Variants in TBCK observed in about 807,000 individuals in gnomAD.
TBCK encodes TBC domain-containing protein kinase-like protein.
TBCK carries 99 observed loss-of-function variants against 113.4 expected under a neutral mutation model. The ratio of observed to expected loss-of-function variants is 0.87; its 90% CI spans 0.74 to 1.03. TBCK has a LOEUF of 1.03. TBCK is among the 50% of genes least tolerant of loss of function. TBCK has a pLI of 0.00. For missense variants in TBCK, 1,045 were observed against 1,061.3 expected, an observed-to-expected ratio of 0.98 and a Z score of 0.21; for synonymous variants, 369 against 370.8, an observed-to-expected ratio of 1.00 and a Z score of 0.05.
intron 3 of TBCK, among the ~76,000 whole-genome samples, chr4:106,275,912 C>G (rs1763979671): frequency 6.6e-6 from 1 of 151,934 alleles, no homozygotes; most frequent in Admixed American, 6.5e-5. Context: ...AATTGAGAAA[C>G]TTACTATAAA....
chr4:106,272,654 G>C (rs958124570), intron 3 of TBCK, among the ~76,000 whole-genome samples: 9 of 151,576 alleles, frequency 5.9e-5, no homozygotes, highest in Non-Finnish European at 1.0e-4. Flanking sequence ...ACCACACCCA[G>C]CTAATTTTTT....
chr4:106,072,500 C>T (rs981177006), intron 25 of TBCK, among the ~76,000 whole-genome samples: 12 of 152,234 alleles, frequency 7.9e-5, no homozygotes, highest in African/African-American at 2.6e-4. Flanking sequence ...TGTGGGTAAC[C>T]CAATCTTTCT....
At chr4:106,219,751 C>T (rs1046301732) in intron 19 of TBCK, among the ~76,000 whole-genome samples, 1 of 151,626 alleles carries the variant, frequency 6.6e-6, no homozygotes, top group Non-Finnish European at 1.5e-5. Context: ...GTTGTCTAGG[C>T]TGGTCTCAAA....
In TBCK at chr4:106,065,694, T is replaced by C. The variant is rs138936179; in HGVS notation, c.2572-19014A>G. 5.0e-3 allele frequency among the ~76,000 whole-genome samples: 765 copies of C among 152,182 alleles called. 4 individuals carry two copies. Among genetic ancestry groups the C allele is most frequent in the African/African-American group, 0.018 (736 of 41,548 alleles). ...TCTGATTTTTCTTAAGACTTAGTAA[T>C]ATAGCTTTGCTTACAGCATATTTGA... On this transcript the variant is annotated intron_variant, in intron 25 of 25. Coordinates refer to ENST00000394708, the MANE Select transcript of TBCK (RefSeq NM_001163435.3).
At chr4:106,260,616 AT>A (rs1762417520) in intron 4 of TBCK, 106 bp from the exon 5 acceptor site, 1 of 391,958 alleles carries the variant, frequency 2.6e-6, no homozygotes, top group Non-Finnish European at 4.5e-6. Context: ...TAAAGAAACC[AT>A]TATATAACAA....
intron 12 of TBCK, chr4:106,237,613 C>T: frequency 2.3e-6 from 1 of 441,964 alleles, no homozygotes; most frequent in Non-Finnish European, 4.6e-6. Flanking sequence ...AGTCTTTGTG[C>T]ACCCATGTGA....
intron 25 of TBCK, among the ~76,000 whole-genome samples, chr4:106,071,317 C>G (rs1349372306): frequency 6.6e-6 from 1 of 152,154 alleles, no homozygotes; most frequent in Non-Finnish European, 1.5e-5. Flanking sequence ...TCATTGGTTT[C>G]AAAGAACACC....
intron 20 of TBCK, among the ~76,000 whole-genome samples, chr4:106,204,955 C>G (rs1370784162): frequency 6.6e-6 from 1 of 150,750 alleles, no homozygotes; most frequent in African/African-American, 2.4e-5. Context: ...TTAGTAGAGA[C>G]GGGGTTTCAC....
chr4:106,160,017 A>G (rs928781865), intron 23 of TBCK, among the ~76,000 whole-genome samples: 1 of 152,080 alleles, frequency 6.6e-6, no homozygotes, highest in African/African-American at 2.4e-5. Context: ...AAGACCATTC[A>G]GTGGGGTAAA....
chr4:106,072,157 T>G (rs1355181916), intron 25 of TBCK, among the ~76,000 whole-genome samples: 4 of 152,242 alleles, frequency 2.6e-5, no homozygotes, highest in Non-Finnish European at 4.4e-5. Flanking sequence ...GCTGGTTATT[T>G]TGCCCATTAT....
At chr4:106,091,295 T>C (rs1175555361) in intron 25 of TBCK, among the ~76,000 whole-genome samples, 2 of 152,134 alleles carry the variant, frequency 1.3e-5, no homozygotes, top group African/African-American at 4.8e-5. Context: ...CGAGCTCTCA[T>C]GTGAACTAAC....
intron 25 of TBCK, among the ~76,000 whole-genome samples, chr4:106,087,746 C>T (rs1739681340): frequency 6.6e-6 from 1 of 152,018 alleles, no homozygotes; most frequent in Non-Finnish European, 1.5e-5. Context: ...CGGAGCAGGA[C>T]CAACATACAG....
rs1464328575 is a variant in TBCK, at chr4:106,226,834, C to A, written c.1774+3529G>T. On this transcript the variant is annotated intron_variant, in intron 19 of 25. Transcript: ENST00000394708. ...ACACTATCAATTCTATAATAAACATCACTGATAAGGGTAAGAAGGAAGCTA... is the reference window on the plus strand; with the variant it reads ...ACACTATCAATTCTATAATAAACATAACTGATAAGGGTAAGAAGGAAGCTA... 2.6e-5 allele frequency among the ~76,000 whole-genome samples: 4 copies of A among 152,106 alleles called. No individual in the cohort carries two copies. In the South Asian group the frequency reaches 8.3e-4, roughly 32 times the overall value.
At chr4:106,181,128 G>A (rs1752322573) in intron 22 of TBCK, among the ~76,000 whole-genome samples, 1 of 152,230 alleles carries the variant, frequency 6.6e-6, no homozygotes, top group African/African-American at 2.4e-5. Flanking sequence ...GTGATGATGA[G>A]CATTTTTTCA....
intron 25 of TBCK, among the ~76,000 whole-genome samples, chr4:106,092,740 T>C (rs754020084): frequency 2.6e-5 from 4 of 152,190 alleles, no homozygotes; most frequent in African/African-American, 7.2e-5. Context: ...CTGCAAGCAA[T>C]GTGCGCAGTC....
chr4:106,043,988 C>T lies in TBCK; in HGVS notation c.*2582G>A, dbSNP rs758221839. 3 of 152,144 alleles carry T rather than the reference C, an allele frequency of 2.0e-5. No individual in the cohort carries two copies. Among genetic ancestry groups the T allele is most frequent in the Non-Finnish European group, 2.9e-5 (2 of 68,028 alleles). The allele number at this position is 152,144 out of a possible 1,614,324, so 9.4% of individuals were successfully genotyped here. A position where few individuals can be genotyped will look rare whatever the true frequency, so the allele number is the denominator to read the frequency against. On this transcript the variant is annotated 3_prime_UTR_variant, in exon 26 of 26. Coordinates refer to ENST00000394708, the MANE Select transcript of TBCK (RefSeq NM_001163435.3). Reference sequence around the variant, plus strand: ...ACATGGCAGTGATAGTGTGCTCTTACTTTACTGTTGAGAATATTAAATATT... The same window carrying T: ...ACATGGCAGTGATAGTGTGCTCTTATTTTACTGTTGAGAATATTAAATATT...
intron 25 of TBCK, among the ~76,000 whole-genome samples, chr4:106,049,529 T>C (rs1359011902): frequency 6.6e-6 from 1 of 152,070 alleles, no homozygotes; most frequent in African/African-American, 2.4e-5. Context: ...AGGCTGTGAA[T>C]GTGCTGGGGT....
chr4:106,121,694 CA>C (rs1326683971), intron 23 of TBCK, among the ~76,000 whole-genome samples: 1 of 152,176 alleles, frequency 6.6e-6, no homozygotes, highest in African/African-American at 2.4e-5. Context: ...ACAGTGCAAT[CA>C]AACTAGAACT....
At chr4:106,095,382 G>A (rs1740780272) in intron 25 of TBCK, 100 bp downstream of exon 25, 5 of 1,129,052 alleles carry the variant, frequency 4.4e-6, no homozygotes, top group Non-Finnish European at 6.2e-6. Flanking sequence ...CATAGTATTT[G>A]TGACCAACTC....
Sources: allele counts gnomAD v4.1 joint callset (sites outside exome capture counted in the v4.1 genomes callset), GRCh38; gene constraint gnomAD v4.1.1; transcripts MANE v1.5; gene names NCBI Gene and HGNC (gene_info 2026-07-23, HGNC 2026-07-21).